The following EPB41L4A variants were observed in gnomAD, a reference collection of about 807,000 sequenced individuals.
EPB41L4A encodes the protein band 4.1-like protein 4A.
EPB41L4A carries 100 observed loss-of-function variants against 108.6 expected under a neutral mutation model. That is an observed-to-expected ratio of 0.92 (90% CI 0.78 to 1.09). The LOEUF (loss-of-function observed/expected upper bound fraction) is 1.09, where lower values mean the gene tolerates loss of function less well. Ranked by LOEUF, EPB41L4A falls within the 50% of genes least tolerant of loss-of-function variation. EPB41L4A has a pLI of 0.00. For missense variants in EPB41L4A, 1,030 were observed against 842.7 expected, an observed-to-expected ratio of 1.22 and a Z score of -2.75; for synonymous variants, 319 against 289.0, an observed-to-expected ratio of 1.10 and a Z score of -1.05.
intron 9 of EPB41L4A, 52 bp downstream of exon 9, chr5:112,259,177 G>A: frequency 7.4e-7 from 1 of 1,350,460 alleles, no homozygotes; most frequent in Non-Finnish European, 1.1e-6. Flanking sequence ...AGCTACAAAT[G>A]AACACACAAG....
rs1305890310 is a variant in EPB41L4A at position 112,264,933 on chromosome 5, G to T, written c.517C>A (p.Leu173Ile). ...YRFVPDQKEE[L>I]EEAIERIHKT... ...TGAATCCTTTCTATGGCTTCTTCAA[G>T]TTCTTCCTTCTGATCAGGAACAAAC... The change falls in exon 6 of 23, where the codon CTT becomes ATT. Residue 173 changes from leucine (L) to isoleucine (I), a missense_variant. Leu to Ile is a conservative substitution (Grantham distance 5, BLOSUM62 2). Coordinates refer to ENST00000261486, the MANE Select transcript of EPB41L4A (RefSeq NM_022140.5). 6.2e-7 allele frequency: 1 copy of T among 1,612,018 alleles called. No individual in the cohort carries two copies. The highest frequency in any genetic ancestry group is 8.5e-7 in the Non-Finnish European group (1 of 1,179,164).
chr5:112,143,751 G>C, exon 14 of EPB41L4A: 1 of 373,076 alleles, frequency 2.7e-6, no homozygotes, highest in South Asian at 1.9e-5. Context: ...CCAGACAAGG[G>C]CTCCAATTGG....
chr5:112,317,272 T>C (rs1755489674), intron 1 of EPB41L4A, among the ~76,000 whole-genome samples: 1 of 152,230 alleles, frequency 6.6e-6, no homozygotes, highest in Non-Finnish European at 1.5e-5. Flanking sequence ...TAAATCATCT[T>C]GATCATCTAT....
At chr5:112,312,618 T>C (rs1755121961) in intron 1 of EPB41L4A, among the ~76,000 whole-genome samples, 1 of 152,226 alleles carries the variant, frequency 6.6e-6, no homozygotes, top group African/African-American at 2.4e-5. Flanking sequence ...TCTGTCATAC[T>C]GTAATATGAT....
At chr5:112,288,384 G>A (rs1219234164) in intron 2 of EPB41L4A, among the ~76,000 whole-genome samples, 2 of 152,124 alleles carry the variant, frequency 1.3e-5, no homozygotes, top group African/African-American at 2.4e-5. Flanking sequence ...CTGAAAAGAG[G>A]CCTTTGAACT....
downstream of EPB41L4A, among the ~76,000 whole-genome samples, chr5:112,159,017 T>G (rs1489100238): frequency 6.6e-6 from 1 of 152,200 alleles, no homozygotes; most frequent in Non-Finnish European, 1.5e-5. Context: ...CCCCAGATGT[T>G]ACAGTGACTT....
At chr5:112,395,766 A>T (rs1174860561) in intron 1 of EPB41L4A, among the ~76,000 whole-genome samples, 1 of 152,174 alleles carries the variant, frequency 6.6e-6, no homozygotes, top group Non-Finnish European at 1.5e-5. Context: ...AAAGATTATA[A>T]ATCATGCTAC....
At chr5:112,306,960 T>G (rs137854988) in intron 2 of EPB41L4A, among the ~76,000 whole-genome samples, 16 of 152,274 alleles carry the variant, frequency 1.1e-4, no homozygotes, top group African/African-American at 3.8e-4. Context: ...TTATAAAACT[T>G]AGGTAGTCAC....
chr5:112,375,343 A>T (rs1316440819), intron 1 of EPB41L4A, among the ~76,000 whole-genome samples: 3 of 150,652 alleles, frequency 2.0e-5, no homozygotes, highest in African/African-American at 7.4e-5. Context: ...ACATACACAC[A>T]CACACACACA....
chr5:112,362,429 C>T (rs950257437), intron 1 of EPB41L4A, among the ~76,000 whole-genome samples: 50 of 151,886 alleles, frequency 3.3e-4, no homozygotes, highest in Admixed American at 5.9e-4. Flanking sequence ...TACAGGTATG[C>T]GCTGCTGCGC....
In EPB41L4A at chr5:112,255,250, A is replaced by G. The variant is rs1450744328; in HGVS notation, c.795+3979T>C. On this transcript the variant is annotated intron_variant, in intron 9 of 22. Coordinates refer to ENST00000261486, the MANE Select transcript of EPB41L4A (RefSeq NM_022140.5). Reference sequence around the variant, plus strand: ...AAAACTCCTCCAAAGAGTTGTCCACACTCACCATCTCCAAATCTCCAATTC... The same window carrying G: ...AAAACTCCTCCAAAGAGTTGTCCACGCTCACCATCTCCAAATCTCCAATTC... Among the ~76,000 whole-genome samples, 6 of 151,868 alleles carry G rather than the reference A, an allele frequency of 4.0e-5. No homozygotes were observed. In the East Asian group the frequency reaches 9.7e-4, roughly 25 times the overall value.
chr5:112,222,944 T>TG (rs1469327015), intron 12 of EPB41L4A, among the ~76,000 whole-genome samples: 3 of 146,972 alleles, frequency 2.0e-5, no homozygotes, highest in South Asian at 2.2e-4. Context: ...TGAAACTAGT[T>TG]TTTTTTTTTT....
At chr5:112,333,365 G>C (rs1170428860) in intron 1 of EPB41L4A, among the ~76,000 whole-genome samples, 1 of 152,158 alleles carries the variant, frequency 6.6e-6, no homozygotes, top group Non-Finnish European at 1.5e-5. Context: ...GACCTTACCA[G>C]CCAATTAAGG....
intron 12 of EPB41L4A, among the ~76,000 whole-genome samples, chr5:112,227,720 C>T (rs1748570328): frequency 6.6e-6 from 1 of 152,218 alleles, no homozygotes; most frequent in East Asian, 1.9e-4. Flanking sequence ...TTGCATCTGA[C>T]ACAATGTGCC....
intron 11 of EPB41L4A, among the ~76,000 whole-genome samples, chr5:112,238,253 T>G (rs1580500414): frequency 6.6e-6 from 1 of 152,196 alleles, no homozygotes; most frequent in East Asian, 1.9e-4. Context: ...CTTCTCAATA[T>G]AAATGTAAAC....
chr5:112,368,960 T>C (rs368067559), intron 1 of EPB41L4A, among the ~76,000 whole-genome samples: 6 of 152,324 alleles, frequency 3.9e-5, no homozygotes, highest in African/African-American at 1.4e-4. Flanking sequence ...ATACTCTCCA[T>C]GCTCTCCTTG....
intron 2 of EPB41L4A, among the ~76,000 whole-genome samples, chr5:112,292,900 G>T (rs915617548): frequency 6.6e-6 from 1 of 151,944 alleles, no homozygotes; most frequent in African/African-American, 2.4e-5. Flanking sequence ...CTTCCTTTAT[G>T]GCTCATTCTG....
intron 1 of EPB41L4A, among the ~76,000 whole-genome samples, chr5:112,355,693 C>T (rs1758319460): frequency 6.6e-6 from 1 of 152,212 alleles, no homozygotes; most frequent in Admixed American, 6.5e-5. Context: ...GAGAATTCCA[C>T]TCCTTCACCT....
chr5:112,208,985 A>C (rs1762599534), intron 13 of EPB41L4A, among the ~76,000 whole-genome samples: 1 of 152,218 alleles, frequency 6.6e-6, no homozygotes, highest in Non-Finnish European at 1.5e-5. Context: ...AACCAAACAA[A>C]ACATAGGCAA....
Sources: gnomAD v4.1 joint callset for allele counts (sites outside exome capture counted in the v4.1 genomes callset) on GRCh38, gnomAD v4.1.1 for gene constraint, MANE v1.5 for transcripts, NCBI Gene and HGNC (gene_info 2026-07-23, HGNC 2026-07-21) for gene names.